Variants in ZFYVE28 observed in about 807,000 individuals in gnomAD.
The protein encoded by ZFYVE28 is lateral signaling target protein 2 homolog.
Under a neutral mutation model 82.1 loss-of-function variants are expected in ZFYVE28, and 40 were observed. The ratio of observed to expected loss-of-function variants is 0.49; its 90% CI spans 0.38 to 0.63. The LOEUF is 0.63. Ranked by LOEUF, ZFYVE28 falls within the 30% of genes least tolerant of loss-of-function variation. The pLI is 0.00. For synonymous variants in ZFYVE28, 612 were observed against 546.1 expected (o/e 1.12, Z -1.68); for missense variants, 1,321 against 1,242.1 (o/e 1.06, Z -0.96).
At chr4:2,415,914 G>GA (rs1401146980) in intron 1 of ZFYVE28, among the ~76,000 whole-genome samples, 18 of 152,362 alleles carry the variant, frequency 1.2e-4, no homozygotes, top group African/African-American at 3.8e-4. Context: ...CCAGCTCCCA[G>GA]AAAAATGCTA....
intron 1 of ZFYVE28, among the ~76,000 whole-genome samples, chr4:2,399,194 C>G (rs1158760985): frequency 6.8e-6 from 1 of 147,012 alleles, no homozygotes; most frequent in Non-Finnish European, 1.5e-5. Flanking sequence ...AGGTGAGATC[C>G]AGTGCACAGA....
chr4:2,303,771 C>T (rs1715999045), intron 8 of ZFYVE28, among the ~76,000 whole-genome samples: 1 of 152,208 alleles, frequency 6.6e-6, no homozygotes, highest in Non-Finnish European at 1.5e-5. Context: ...CTCAGCACCC[C>T]TCATGGCCCC....
In ZFYVE28 at chr4:2,320,770, C is replaced by T. The variant is rs1320593788; in HGVS notation, c.702-499G>A. Among the ~76,000 whole-genome samples, 1 of 152,176 alleles carries T rather than the reference C, an allele frequency of 6.6e-6. No homozygotes were observed. Among genetic ancestry groups the T allele is most frequent in the African/African-American group, 2.4e-5 (1 of 41,452 alleles). ...AGCCTGGCCAACGCTCCACAAGCCA[C>T]GAGACCAAAGCAGCCTCCCCTCATC... On this transcript the variant is annotated intron_variant, in intron 6 of 12. Coordinates refer to ENST00000290974, the MANE Select transcript of ZFYVE28 (RefSeq NM_020972.3). The surrounding 1 kb of genome is among the most constrained non-coding windows in gnomAD (Gnocchi z 5.1).
At chr4:2,337,037 G>T (rs368097859) in intron 5 of ZFYVE28, among the ~76,000 whole-genome samples, 1,234 of 93,290 alleles carry the variant, frequency 0.013, 2 homozygotes, top group Middle Eastern at 0.028. Context: ...CATGAGGAGT[G>T]AGTAGGTGAG....
rs149712764 is a variant in ZFYVE28, at chr4:2,270,845, C to A, written c.2544G>T (p.Ser848=). Residue 848 remains serine (S), a synonymous_variant, in exon 13 of 13, where the codon TCG becomes TCT. Coordinates refer to ENST00000290974, the MANE Select transcript of ZFYVE28 (RefSeq NM_020972.3). ...GCGGTGCTGAGTGCGAGGAGCAGCG[C>A]GAGCAGAAGATCTGGAATGGGGTTG... ...HCRSCGKIFC[S]RCSSHSAPLP... is the part of the protein sequence containing the mutation. The A allele has an allele frequency of 1.0e-4, 164 of 1,612,820 alleles. 2 individuals carry two copies. Among genetic ancestry groups the A allele is most frequent in the South Asian group, 8.9e-4 (81 of 91,064 alleles).
intron 7 of ZFYVE28, among the ~76,000 whole-genome samples, chr4:2,312,647 G>A (rs1380045248): frequency 7.1e-6 from 1 of 140,612 alleles, no homozygotes; most frequent in African/African-American, 2.7e-5. Context: ...AGAATGGCAT[G>A]AACCCAGGAG....
chr4:2,335,630 G>T lies in ZFYVE28; in HGVS notation c.701+75C>A. 1 of 1,409,074 alleles carries T rather than the reference G, an allele frequency of 7.1e-7. No individual in the cohort carries two copies. The allele number at this position is 1,409,074 out of a possible 1,614,324, so 87.3% of individuals were successfully genotyped here. ...GTGGAGACGCCATGGACCGGCACCC[G>T]CACGGGACCTGGCACCATCAGCCCT... On this transcript the variant is annotated intron_variant, in intron 6 of 12. Coordinates refer to ENST00000290974, the MANE Select transcript of ZFYVE28 (RefSeq NM_020972.3). This position sits in a 1 kb window ranked among gnomAD's most constrained non-coding sequence, Gnocchi z 5.8.
At chr4:2,347,973 G>A (rs1467540383) in intron 2 of ZFYVE28, among the ~76,000 whole-genome samples, 1 of 152,084 alleles carries the variant, frequency 6.6e-6, no homozygotes, top group African/African-American at 2.4e-5. Flanking sequence ...AATCAGAGCA[G>A]AAATTTAATG....
chr4:2,384,948 T>C (rs575648249), intron 1 of ZFYVE28, among the ~76,000 whole-genome samples: 1 of 151,826 alleles, frequency 6.6e-6, no homozygotes, highest in Non-Finnish European at 1.5e-5. Flanking sequence ...TCATCTGTCC[T>C]GATTTTAAGG....
intron 2 of ZFYVE28, among the ~76,000 whole-genome samples, chr4:2,351,804 T>C (rs936128545): frequency 2.0e-5 from 3 of 152,218 alleles, no homozygotes; most frequent in Non-Finnish European, 4.4e-5. Context: ...GGCTGTAAAC[T>C]GGGGCTCCCA....
chr4:2,304,601 C>T lies in ZFYVE28; in HGVS notation c.1739G>A (p.Arg580His), dbSNP rs145816565. 187 of 1,612,206 alleles carry T rather than the reference C, an allele frequency of 1.2e-4. No homozygotes were observed. The highest frequency in any genetic ancestry group is 1.4e-4 in the Non-Finnish European group (169 of 1,179,784). Residue 580 changes from arginine (R) to histidine (H), a missense_variant, in exon 8 of 13, where the codon CGT becomes CAT. Coordinates refer to ENST00000290974, the MANE Select transcript of ZFYVE28 (RefSeq NM_020972.3). The stretch of plus-strand genomic sequence containing the variant: ...TCCCGGGCTGCACTTCTCCCGCAGA[C>T]GCTCCACCACGTCCTCCCTGCTGTC... ...CGDSREDVVE[R>H]LREKCSPGGV...
intron 1 of ZFYVE28, among the ~76,000 whole-genome samples, chr4:2,402,110 C>T (rs1415088011): frequency 2.6e-5 from 4 of 152,216 alleles, no homozygotes; most frequent in Non-Finnish European, 5.9e-5. Context: ...CTCTCCCTGG[C>T]GCTGGAGGAG....
Position 2,332,816 on chromosome 4 carries a change from C to T in ZFYVE28, c.701+2889G>A, listed in dbSNP as rs1339679118. On this transcript the variant is annotated intron_variant, in intron 6 of 12. Transcript: ENST00000290974. The surrounding 1 kb of genome is among the most constrained non-coding windows in gnomAD (Gnocchi z 4.7). Reference sequence around the variant, plus strand: ...AGCACTCACCCGCTCAGCACTCACCCGCCCTGCTCGAGGCTCGCTGCACAG... The same window carrying T: ...AGCACTCACCCGCTCAGCACTCACCTGCCCTGCTCGAGGCTCGCTGCACAG... 6.6e-6 allele frequency among the ~76,000 whole-genome samples: 1 copy of T among 152,134 alleles called. No individual in the cohort carries two copies. The highest frequency in any genetic ancestry group is 1.5e-5 in the Non-Finnish European group (1 of 68,006).
At chr4:2,305,994 C>T (rs903251936) in intron 7 of ZFYVE28, among the ~76,000 whole-genome samples, 8 of 152,250 alleles carry the variant, frequency 5.3e-5, no homozygotes, top group Admixed American at 5.2e-4. Flanking sequence ...TGCTCCTGCC[C>T]TTGTGGACTT....
intron 5 of ZFYVE28, among the ~76,000 whole-genome samples, chr4:2,336,564 C>CT (rs1560227360): frequency 2.2e-5 from 2 of 89,412 alleles, no homozygotes; most frequent in African/African-American, 5.8e-5. Flanking sequence ...TTCCCCCTGC[C>CT]CCCCCCACTC....
At chr4:2,282,765 T>C (rs1208979142) in intron 8 of ZFYVE28, among the ~76,000 whole-genome samples, 1 of 152,122 alleles carries the variant, frequency 6.6e-6, no homozygotes, top group African/African-American at 2.4e-5. Flanking sequence ...ATCAGATACA[T>C]TAATTTTTGA....
intron 8 of ZFYVE28, among the ~76,000 whole-genome samples, chr4:2,285,065 C>G (rs35931057): frequency 6.6e-6 from 1 of 152,226 alleles, no homozygotes. Context: ...AGGGTGGGCC[C>G]TAAGCCAACT....
chr4:2,302,534 A>T (rs919874441), intron 8 of ZFYVE28, among the ~76,000 whole-genome samples: 9 of 152,248 alleles, frequency 5.9e-5, no homozygotes, highest in Non-Finnish European at 1.3e-4. Context: ...AGCTGCCTGG[A>T]TGCCAACTGC....
rs914750713 is a variant in ZFYVE28, at chr4:2,271,538, C to CG, written c.2429-125dup. 5.7e-5 allele frequency: 80 copies of CG among 1,413,088 alleles called. No homozygotes were observed. The Middle Eastern group carries it at 5.7e-4, about 10-fold the overall frequency. 87.5% of individuals were successfully genotyped at this position (1,413,088 alleles called of 1,614,324 possible). A position where few individuals can be genotyped will look rare whatever the true frequency, so the allele number is the denominator to read the frequency against. On this transcript the variant is annotated intron_variant, in intron 11 of 12. Transcript: ENST00000290974. ...AGCCGCCTGGCCTCCAGCCAGCCTC[C>CG]GGGGGGGCGGTCTCCCAGCTCCCAC...
Sources: gnomAD v4.1 joint callset for allele counts (sites outside exome capture counted in the v4.1 genomes callset) on GRCh38, gnomAD v4.1.1 for gene constraint, Gnocchi (gnomAD v3.1) non-coding constraint, MANE v1.5 for transcripts, NCBI Gene and HGNC (gene_info 2026-07-23, HGNC 2026-07-21) for gene names.